SAMD4B: variants seen among roughly 807,000 people sequenced by gnomAD.
The protein encoded by SAMD4B is protein Smaug homolog 2.
Under a neutral mutation model 74.5 loss-of-function variants are expected in SAMD4B, and 5 were observed. That is an observed-to-expected ratio of 0.07 (90% CI 0.04 to 0.14). The LOEUF is 0.14. Among genes scored for constraint, SAMD4B ranks in the 10% least tolerant of loss-of-function variants. The pLI, the probability that SAMD4B is intolerant of heterozygous loss-of-function variation, is 1.00. For missense variants in SAMD4B, 608 were observed against 921.8 expected (o/e 0.66, Z 4.41); for synonymous variants, 373 against 374.9 (o/e 1.00, Z 0.06).
chr19:39,377,384 T>C (rs1463155918), intron 7 of SAMD4B, 101 bp from the exon 8 acceptor site: 11 of 1,021,296 alleles, frequency 1.1e-5, no homozygotes, highest in Non-Finnish European at 1.4e-5. Flanking sequence ...CCCAGGGTCC[T>C]ACCCAGCCTT....
chr19:39,388,594 G>C (rs1232388397), downstream of SAMD4B: 1 of 1,613,974 alleles, frequency 6.2e-7, no homozygotes, highest in Admixed American at 1.7e-5. Flanking sequence ...TCCTCCTCCT[G>C]GTCCCGCTTT....
At chr19:39,347,504 C>G (rs567391721) in intron 1 of SAMD4B, among the ~76,000 whole-genome samples, 3 of 152,316 alleles carry the variant, frequency 2.0e-5, no homozygotes, top group East Asian at 3.9e-4. Context: ...ATTCTCTGCT[C>G]TGTGATTGTT....
chr19:39,365,327 G>C (rs982652148), intron 3 of SAMD4B, among the ~76,000 whole-genome samples: 2 of 151,842 alleles, frequency 1.3e-5, no homozygotes, highest in African/African-American at 4.8e-5. Context: ...GCCGAGGCAG[G>C]TGGATCACCT....
chr19:39,353,914 T>G (rs1251731192), intron 1 of SAMD4B, 92 bp from the exon 2 acceptor site: 1 of 152,186 alleles, frequency 6.6e-6, no homozygotes, highest in African/African-American at 2.4e-5. Flanking sequence ...ATTAGGCATG[T>G]TTTTAATAGA....
intron 1 of SAMD4B, among the ~76,000 whole-genome samples, chr19:39,343,640 G>GGGT: frequency 6.6e-6 from 1 of 151,268 alleles, no homozygotes; most frequent in Non-Finnish European, 1.5e-5. Context: ...ATCTTCACCG[G>GGGT]GATCCCCTTC....
rs375170574 is a variant in SAMD4B at position 39,384,806 on chromosome 19, T to C, written c.*1279T>C. ...TTTTCACACCGAAAAGGAAAAAAAATGTTATTTTTAGATACATTTTATGAA... is the reference window on the plus strand; with the variant it reads ...TTTTCACACCGAAAAGGAAAAAAAACGTTATTTTTAGATACATTTTATGAA... On this transcript the variant is annotated 3_prime_UTR_variant, in exon 14 of 14. Transcript: ENST00000610417. The C allele has an allele frequency of 1.3e-5, 2 of 152,532 alleles. No homozygotes were observed. Among genetic ancestry groups the C allele is most frequent in the African/African-American group, 4.8e-5 (2 of 41,466 alleles). 9.4% of individuals were successfully genotyped at this position (152,532 alleles called of 1,614,324 possible).
intron 1 of SAMD4B, among the ~76,000 whole-genome samples, chr19:39,353,735 C>T (rs1032771299): frequency 5.9e-5 from 9 of 151,916 alleles, no homozygotes; most frequent in African/African-American, 2.2e-4. Context: ...CCAAGTAGCT[C>T]GGACTACAGG....
chr19:39,354,722 A>G (rs1345094064), intron 2 of SAMD4B, among the ~76,000 whole-genome samples: 3 of 152,194 alleles, frequency 2.0e-5, no homozygotes, highest in South Asian at 4.1e-4. Context: ...AGAAATGACA[A>G]TGAGCTGAGA....
rs781488581 is a variant in SAMD4B at position 39,370,033 on chromosome 19, A to T, written c.575A>T (p.Asp192Val). Residue 192 changes from aspartate (D) to valine (V), a missense_variant, in exon 4 of 14, where the codon GAC (aspartate) becomes GTC (valine). Coordinates refer to ENST00000610417, the MANE Select transcript of SAMD4B (RefSeq NM_001384574.2). ...GPGEAGPGWQ[D>V]KPPRENGHVP... ...GGGGAGGCAGGGCCAGGCTGGCAGG[A>T]CAAGCCACCCCGGGAAAATGGACAC... The T allele has an allele frequency of 1.2e-6, 2 of 1,612,168 alleles. No individual in the cohort carries two copies. Among genetic ancestry groups the T allele is most frequent in the Non-Finnish European group, 1.7e-6 (2 of 1,179,210 alleles).
chr19:39,370,257 C>T (rs2077210113), intron 4 of SAMD4B, 132 bp downstream of exon 4: 7 of 854,426 alleles, frequency 8.2e-6, no homozygotes, highest in Non-Finnish European at 1.1e-5. Context: ...TGAGGCAATG[C>T]AGAGGCTGTG....
chr19:39,389,226 G>A (rs200470135), downstream of SAMD4B: 2 of 1,608,156 alleles, frequency 1.2e-6, no homozygotes, highest in Admixed American at 1.7e-5. The surrounding 1 kb of genome is among the most constrained non-coding windows in gnomAD (Gnocchi z 5.3). Context: ...GGTCCTTAGG[G>A]GCCACTGGAC....
At position 39,378,401 on chromosome 19, in the gene SAMD4B, C is replaced by T. The variant is rs1481291021; in HGVS notation, c.1445-103C>T. 3 of 950,040 alleles carry T rather than the reference C, an allele frequency of 3.2e-6. No homozygotes were observed. The highest frequency in any genetic ancestry group is 4.9e-5 in the East Asian group (2 of 40,806). The allele number at this position is 950,040 out of a possible 1,614,324, so 58.9% of individuals were successfully genotyped here. On this transcript the variant is annotated intron_variant, in intron 8 of 13. Coordinates refer to ENST00000610417, the MANE Select transcript of SAMD4B (RefSeq NM_001384574.2). The surrounding 1 kb of genome is among the most constrained non-coding windows in gnomAD (Gnocchi z 4.4). ...CACTTAATAGTTGATATTCATCCAG[C>T]CTGAGTCTCCTGTTCCTTCTTGTGC...
At chr19:39,388,476 G>A (rs1568373829), downstream of SAMD4B, 3 of 1,614,030 alleles carry the variant, frequency 1.9e-6, no homozygotes, top group South Asian at 1.1e-5. Flanking sequence ...ACCTGAAGAT[G>A]AGGGCACAGG....
chr19:39,387,139 T>C (rs1011795112), downstream of SAMD4B: 4 of 428,780 alleles, frequency 9.3e-6, no homozygotes, highest in Admixed American at 6.4e-5. Context: ...CAAACGTACA[T>C]AGTATAGCCT....
Position 39,342,862 on chromosome 19 carries a change from G to A in SAMD4B, c.-267+286G>A, listed in dbSNP as rs2075392580. 2.6e-5 allele frequency among the ~76,000 whole-genome samples: 4 copies of A among 151,830 alleles called. No individual in the cohort carries two copies. In the South Asian group the frequency reaches 8.3e-4, roughly 31 times the overall value. Reference sequence around the variant, plus strand: ...GGGCCGGGCCGGGGGCCTCTCCTCAGGACCCCCCGCACATCCCCCTCGGAG... The same window carrying A: ...GGGCCGGGCCGGGGGCCTCTCCTCAAGACCCCCCGCACATCCCCCTCGGAG... On this transcript the variant is annotated intron_variant, in intron 1 of 13. Transcript: ENST00000610417.
rs560641991 is a variant in SAMD4B, at chr19:39,376,537, G to A, written c.1008G>A (p.Leu336=). The A allele has an allele frequency of 3.7e-6, 6 of 1,613,108 alleles. No homozygotes were observed. In the African/African-American group the frequency reaches 6.7e-5, roughly 18 times the overall value. Residue 336 remains leucine, a synonymous_variant, in exon 6 of 14, where the codon CTG becomes CTA. Transcript: ENST00000610417. ...EEMMTLTEQH[L]ESQNVTKGAR... ...TGATGACACTGACTGAGCAGCACCT[G>A]GAGTCTCAGGTGAAGCCAAGGGGAC...
At chr19:39,386,050 C>G, downstream of SAMD4B, 10 of 1,614,012 alleles carry the variant, frequency 6.2e-6, no homozygotes, top group Non-Finnish European at 8.5e-6. The surrounding 1 kb of genome is among the most constrained non-coding windows in gnomAD (Gnocchi z 6.1). Context: ...CTGCCATCCT[C>G]CTGGGCCGAG....
chr19:39,389,388 G>C (rs781346805), downstream of SAMD4B: 1 of 1,613,976 alleles, frequency 6.2e-7, no homozygotes, highest in Non-Finnish European at 8.5e-7. The surrounding 1 kb of genome is among the most constrained non-coding windows in gnomAD (Gnocchi z 5.3). Flanking sequence ...TGGGATCTGG[G>C]GTGGGAAATC....
At chr19:39,350,197 G>A (rs2075951338) in intron 1 of SAMD4B, 1 of 151,980 alleles carries the variant, frequency 6.6e-6, no homozygotes, top group African/African-American at 2.4e-5. Flanking sequence ...TATAGAGGAG[G>A]AAAAAAGCAT....
Sources: allele counts gnomAD v4.1 joint callset (sites outside exome capture counted in the v4.1 genomes callset), GRCh38; gene constraint gnomAD v4.1.1; non-coding constraint Gnocchi (gnomAD v3.1); transcripts MANE v1.5; gene names NCBI Gene and HGNC (gene_info 2026-07-23, HGNC 2026-07-21).